CHM: variants seen among roughly 807,000 people sequenced by gnomAD.
The protein encoded by CHM is rab proteins geranylgeranyltransferase component A 1.
In CHM, 10 loss-of-function variants were observed where a neutral mutation model predicts 49.0. The observed-to-expected ratio is 0.20, with a 90% CI of 0.13 to 0.35. The LOEUF (loss-of-function observed/expected upper bound fraction) is 0.35. CHM is among the 10% of genes least tolerant of loss of function. The probability of loss-of-function intolerance (pLI) is 1.00; values close to 1 mark genes in which losing one functional copy is unlikely to be tolerated. For missense variants in CHM, 455 were observed against 478.4 expected, an observed-to-expected ratio of 0.95 and a Z score of 0.46; for synonymous variants, 184 against 167.5, an observed-to-expected ratio of 1.10 and a Z score of -0.76.
chrX:85,879,864 A>G (rs1212858252), intron 12 of CHM, among the ~76,000 whole-genome samples: 6 of 110,311 alleles, frequency 5.4e-5, no homozygotes, highest in Admixed American at 1.9e-4. Context: ...AAGTACCAGT[A>G]CCGAGAAATT....
At chrX:85,945,461 G>C (rs754145344) in intron 8 of CHM, among the ~76,000 whole-genome samples, 26 of 103,628 alleles carry the variant, frequency 2.5e-4, no homozygotes, top group South Asian at 4.9e-4. Flanking sequence ...TCCTGCTCTT[G>C]CCATGTGATG....
chrX:85,891,626 C>T (rs1422483727), intron 12 of CHM, among the ~76,000 whole-genome samples: 2 of 112,496 alleles, frequency 1.8e-5, no homozygotes, highest in East Asian at 5.6e-4. Flanking sequence ...ATGGAAATGC[C>T]TGGATGCCCA....
intron 2 of CHM, among the ~76,000 whole-genome samples, chrX:86,010,590 C>T (rs765574006): frequency 9.0e-6 from 1 of 110,897 alleles, no homozygotes; most frequent in African/African-American, 3.3e-5. Flanking sequence ...TTTAATAAAA[C>T]GTATATACCA....
intron 8 of CHM, among the ~76,000 whole-genome samples, chrX:85,912,228 T>C (rs2148170447): frequency 9.0e-6 from 1 of 110,936 alleles, no homozygotes; most frequent in South Asian, 3.8e-4. Context: ...TCATGAGAAG[T>C]GGTTCTGGGT....
At chrX:85,918,430 C>G (rs184735583) in intron 8 of CHM, among the ~76,000 whole-genome samples, 7 of 111,987 alleles carry the variant, frequency 6.3e-5, no homozygotes, top group East Asian at 2.8e-4. Flanking sequence ...AAGAAAGATA[C>G]TTGCCAGCAG....
At chrX:86,000,890 T>C (rs1014741138) in intron 2 of CHM, among the ~76,000 whole-genome samples, 1 of 111,648 alleles carries the variant, frequency 9.0e-6, no homozygotes, top group Non-Finnish European at 1.9e-5. Context: ...TAAATGGGTA[T>C]AAAAATACAG....
chrX:85,907,282 C>T (rs1373844266), intron 9 of CHM, among the ~76,000 whole-genome samples: 1 of 112,124 alleles, frequency 8.9e-6, no homozygotes, highest in African/African-American at 3.2e-5. Context: ...CAGGAAACAG[C>T]AGCTGAAGTA....
chrX:85,967,966 G>T (rs775307625), intron 4 of CHM, among the ~76,000 whole-genome samples: 1 of 111,110 alleles, frequency 9.0e-6, no homozygotes, highest in South Asian at 3.7e-4. Flanking sequence ...TGAGGAACAG[G>T]TGTTTAATTT....
intron 1 of CHM, among the ~76,000 whole-genome samples, chrX:86,030,348 A>C (rs1933990452): frequency 8.9e-6 from 1 of 112,828 alleles, no homozygotes; most frequent in Non-Finnish European, 1.9e-5. Flanking sequence ...TGACTAAAAT[A>C]GCAAACTAAT....
At chrX:86,007,936 T>C (rs183732478) in intron 2 of CHM, among the ~76,000 whole-genome samples, 224 of 112,283 alleles carry the variant, frequency 2.0e-3, no homozygotes, top group African/African-American at 7.0e-3. Flanking sequence ...TAAATCATGC[T>C]ACTATAAAGA....
At chrX:85,938,210 C>T (rs901907465) in intron 8 of CHM, among the ~76,000 whole-genome samples, 48 of 111,446 alleles carry the variant, frequency 4.3e-4, no homozygotes, top group African/African-American at 1.4e-3. Context: ...ATTATCTCAC[C>T]ACCCCCTTCT....
intron 4 of CHM, among the ~76,000 whole-genome samples, chrX:85,978,069 C>T (rs1009252345): frequency 2.7e-5 from 3 of 111,763 alleles, no homozygotes; most frequent in African/African-American, 9.8e-5. Flanking sequence ...TCTATAACTA[C>T]TTGAATGGCT....
chrX:85,928,873 T>C (rs1375468819), intron 8 of CHM, among the ~76,000 whole-genome samples: 1 of 111,789 alleles, frequency 8.9e-6, no homozygotes, highest in Non-Finnish European at 1.9e-5. Context: ...ATTTAATCTA[T>C]TTTTACACAC....
At chrX:85,932,258 T>C (rs1263318271) in intron 8 of CHM, among the ~76,000 whole-genome samples, 1 of 112,056 alleles carries the variant, frequency 8.9e-6, no homozygotes, top group Non-Finnish European at 1.9e-5. Context: ...TATTAGTACA[T>C]TTCTAGTATT....
At chrX:85,911,989 T>G (rs1342523564) in intron 8 of CHM, among the ~76,000 whole-genome samples, 1 of 110,804 alleles carries the variant, frequency 9.0e-6, no homozygotes, top group African/African-American at 3.3e-5. Context: ...TCTGGATTAT[T>G]AAAGAGCTAT....
intron 2 of CHM, among the ~76,000 whole-genome samples, chrX:86,003,065 G>C (rs1932779431): frequency 8.9e-6 from 1 of 111,854 alleles, no homozygotes; most frequent in Admixed American, 9.4e-5. Flanking sequence ...AATATTTGTT[G>C]TTCTACAATA....
chrX:85,957,944 C>T lies in CHM; in HGVS notation c.851G>A (p.Ser284Asn), dbSNP rs1321000305. Residue 284 changes from serine (S) to asparagine (N), a missense_variant, in exon 7 of 15, where the codon AGC (serine) becomes AAC (asparagine). Transcript: ENST00000357749. Reference sequence around the variant, plus strand: ...CTTTTCTACCATAGTAAGTTGTTTGCTATTAAAGACATCTGCTCTGGAACA... The same window carrying T: ...CTTTTCTACCATAGTAAGTTGTTTGTTATTAAAGACATCTGCTCTGGAACA... Reference protein sequence around the residue: ...VPCSRADVFNSKQLTMVEKRM... With the variant: ...VPCSRADVFNNKQLTMVEKRM... The T allele has an allele frequency of 8.3e-7, 1 of 1,208,804 alleles. No homozygotes were observed. Among genetic ancestry groups the T allele is most frequent in the African/African-American group, 1.7e-5 (1 of 57,273 alleles).
chrX:86,005,867 T>C (rs1366263314), intron 2 of CHM, among the ~76,000 whole-genome samples: 1 of 111,960 alleles, frequency 8.9e-6, no homozygotes, highest in African/African-American at 3.3e-5. Flanking sequence ...CTTCTGAAAC[T>C]ATTCCAATCA....
chrX:85,934,060 A>G (rs937284587), intron 8 of CHM, among the ~76,000 whole-genome samples: 2 of 107,480 alleles, frequency 1.9e-5, no homozygotes, highest in East Asian at 3.0e-4. Flanking sequence ...GGCTCACTGC[A>G]ACCTCCGCCT....
Sources: gnomAD v4.1 joint callset for allele counts (sites outside exome capture counted in the v4.1 genomes callset) on GRCh38, gnomAD v4.1.1 for gene constraint, MANE v1.5 for transcripts, NCBI Gene and HGNC (gene_info 2026-07-23, HGNC 2026-07-21) for gene names.